Variants in CEBPG observed in about 807,000 individuals in gnomAD.
CEBPG encodes the protein CCAAT enhancer binding protein gamma, also known as CCAAT/enhancer-binding protein gamma.
In CEBPG, 6 loss-of-function variants were observed where a neutral mutation model predicts 11.1. The ratio of observed to expected loss-of-function variants is 0.54; its 90% CI spans 0.30 to 1.07. The LOEUF (loss-of-function observed/expected upper bound fraction) is 1.07, where lower values mean the gene tolerates loss of function less well. Among genes scored for constraint, CEBPG ranks in the 50% least tolerant of loss-of-function variants. CEBPG has a pLI of 0.07. For synonymous variants in CEBPG, 66 were observed against 71.0 expected (o/e 0.93, Z 0.36); for missense variants, 161 against 187.4 (o/e 0.86, Z 0.82).
chr19:33,378,492 T>C (rs1041557850), intron 1 of CEBPG, among the ~76,000 whole-genome samples: 4 of 152,154 alleles, frequency 2.6e-5, no homozygotes, highest in African/African-American at 7.2e-5. Flanking sequence ...GGGGAGCAAA[T>C]TGAGTGTCAG....
chr19:33,377,397 A>G (rs1253750441), intron 1 of CEBPG, among the ~76,000 whole-genome samples: 2 of 152,266 alleles, frequency 1.3e-5, no homozygotes, highest in Non-Finnish European at 2.9e-5. Flanking sequence ...AGCATGGACA[A>G]GTTGACTGTA....
rs1967963598 is a variant in CEBPG, at chr19:33,379,844, T to A, written c.*152T>A. 1.1e-5 allele frequency: 7 copies of A among 640,194 alleles called. No homozygotes were observed. Among genetic ancestry groups the A allele is most frequent in the South Asian group, 2.8e-5 (1 of 35,998 alleles). The allele number at this position is 640,194 out of a possible 1,614,324, so 39.7% of individuals were successfully genotyped here. ...CTGGGATCAGCACTGAAGAGTTGAT[T>A]AGCTAAAAATGTTAGCCTTGTAATT... is the stretch of plus-strand genomic sequence containing the variant. On this transcript the variant is annotated 3_prime_UTR_variant, in exon 2 of 2. Coordinates refer to ENST00000284000, the MANE Select transcript of CEBPG (RefSeq NM_001806.4).
At chr19:33,375,612 T>A (rs1255940900) in intron 1 of CEBPG, among the ~76,000 whole-genome samples, 1 of 152,176 alleles carries the variant, frequency 6.6e-6, no homozygotes, top group Non-Finnish European at 1.5e-5. Flanking sequence ...AAAGATGATG[T>A]TGATGTTCTT....
chr19:33,378,102 T>C (rs1041002900), intron 1 of CEBPG, among the ~76,000 whole-genome samples: 1 of 152,256 alleles, frequency 6.6e-6, no homozygotes. Flanking sequence ...ACTTAGTTTG[T>C]CTTGAAGTGG....
At chr19:33,374,219 C>T (rs970558953) in intron 1 of CEBPG, 2 of 151,438 alleles carry the variant, frequency 1.3e-5, no homozygotes, top group Admixed American at 6.6e-5. Context: ...GGAATGCCCC[C>T]TGCGGAGCCC....
chr19:33,379,203 T>G lies in CEBPG; in HGVS notation c.-37T>G, dbSNP rs773489568. The G allele has an allele frequency of 1.3e-6, 2 of 1,500,666 alleles. No homozygotes were observed. Among genetic ancestry groups the G allele is most frequent in the Non-Finnish European group, 1.8e-6 (2 of 1,123,746 alleles). 93.0% of individuals were successfully genotyped at this position (1,500,666 alleles called of 1,614,324 possible). On this transcript the variant is annotated 5_prime_UTR_variant, in exon 2 of 2. The change creates a new upstream start codon in the 5' untranslated region. Transcript: ENST00000284000. ...AAACCATTGATCACCCTGCTCTCATTTCTACCTGTTCTGTGTTGGCAAGGG... is the reference window on the plus strand; with the variant it reads ...AAACCATTGATCACCCTGCTCTCATGTCTACCTGTTCTGTGTTGGCAAGGG...
At position 33,380,887 on chromosome 19, in the gene CEBPG, T is replaced by C. The variant is rs917940900; in HGVS notation, c.*1195T>C. ...TTTCCAGACTTTGTACCACTGCTTC[T>C]GTTTATTCATTTATATGCTTTTGTG... On this transcript the variant is annotated 3_prime_UTR_variant, in exon 2 of 2. Transcript: ENST00000284000. 1 of 166,976 alleles carries C rather than the reference T, an allele frequency of 6.0e-6. No homozygotes were observed. The highest frequency in any genetic ancestry group is 2.4e-5 in the African/African-American group (1 of 41,480). The allele number at this position is 166,976 out of a possible 1,614,324, so 10.3% of individuals were successfully genotyped here.
intron 1 of CEBPG, 111 bp from the exon 2 acceptor site, chr19:33,379,033 A>G (rs1207227080): frequency 1.7e-5 from 8 of 474,050 alleles, no homozygotes; most frequent in Middle Eastern, 5.2e-4. Context: ...GTTGCTGTAG[A>G]CTTTTCTCAG....
chr19:33,377,443 T>TA (rs200821829), intron 1 of CEBPG, among the ~76,000 whole-genome samples: 23 of 151,172 alleles, frequency 1.5e-4, no homozygotes, highest in Admixed American at 4.0e-4. Context: ...ATTGGTATAT[T>TA]AAAAAAAAAG....
chr19:33,381,891 G>C lies in CEBPG; in HGVS notation c.*2199G>C, dbSNP rs904930920. 2.4e-5 allele frequency: 4 copies of C among 167,080 alleles called. No individual in the cohort carries two copies. Among genetic ancestry groups the C allele is most frequent in the Non-Finnish European group, 5.9e-5 (4 of 68,120 alleles). 10.3% of individuals were successfully genotyped at this position (167,080 alleles called of 1,614,324 possible). A position where few individuals can be genotyped will look rare whatever the true frequency, so the allele number is the denominator to read the frequency against. ...TAGCAGAAGCAAGCAATTAGGCAGAGAACAAAAATGTTAAGCATGGTGTTG... is the reference window on the plus strand; with the variant it reads ...TAGCAGAAGCAAGCAATTAGGCAGACAACAAAAATGTTAAGCATGGTGTTG... On this transcript the variant is annotated 3_prime_UTR_variant, in exon 2 of 2. Transcript: ENST00000284000.
intron 1 of CEBPG, among the ~76,000 whole-genome samples, chr19:33,376,163 T>C (rs561350674): frequency 6.6e-6 from 1 of 152,242 alleles, no homozygotes; most frequent in African/African-American, 2.4e-5. Flanking sequence ...TTGACCTTCA[T>C]TGAGGAAATC....
chr19:33,378,528 C>T (rs767493916), intron 1 of CEBPG, among the ~76,000 whole-genome samples: 1 of 152,078 alleles, frequency 6.6e-6, no homozygotes, highest in Non-Finnish European at 1.5e-5. Context: ...GAAACTGACT[C>T]AGTAAATTTG....
rs117236383 is a variant in CEBPG at position 33,381,244 on chromosome 19, G to C, written c.*1552G>C. ...TTGGCCACATTGCTGTTTCATACTA[G>C]GACTTGGGATGATGTAGCCAGAATA... is the stretch of plus-strand genomic sequence containing the variant. On this transcript the variant is annotated 3_prime_UTR_variant, in exon 2 of 2. Coordinates refer to ENST00000284000, the MANE Select transcript of CEBPG (RefSeq NM_001806.4). 4,132 of 167,156 alleles carry C rather than the reference G, an allele frequency of 0.025. 74 individuals carry two copies. The highest frequency in any genetic ancestry group is 0.074 in the Middle Eastern group (22 of 296). 10.4% of individuals were successfully genotyped at this position (167,156 alleles called of 1,614,324 possible).
In CEBPG at chr19:33,382,528, G is replaced by A. The variant is rs36101103; in HGVS notation, c.*2836G>A. 4,107 of 167,166 alleles carry A rather than the reference G, an allele frequency of 0.025. 70 individuals are homozygous for A. The highest frequency in any genetic ancestry group is 0.035 in the Non-Finnish European group (2,361 of 68,112). The allele number at this position is 167,166 out of a possible 1,614,324, so 10.4% of individuals were successfully genotyped here. ...TTTCACAAAAGCTGGGAAGGAAGAA[G>A]TCCATTCTGCAGCTGTTAGATCTGC... On this transcript the variant is annotated 3_prime_UTR_variant, in exon 2 of 2. Transcript: ENST00000284000.
intron 1 of CEBPG, 98 bp from the exon 2 acceptor site, chr19:33,379,046 G>A (rs2145311601): frequency 2.0e-6 from 1 of 496,840 alleles, no homozygotes; most frequent in Non-Finnish European, 3.5e-6. Context: ...TTTCTCAGCA[G>A]AATCAATTAA....
Position 33,381,673 on chromosome 19 carries a change from A to G in CEBPG, c.*1981A>G, listed in dbSNP as rs1967991147. ...AGCACCTATGGTAGGCGCTACAGAC[A>G]TTTAAATCTCTTGGGAATTCGATGC... On this transcript the variant is annotated 3_prime_UTR_variant, in exon 2 of 2. Transcript: ENST00000284000. 6.0e-6 allele frequency: 1 copy of G among 167,144 alleles called. No homozygotes were observed. Among genetic ancestry groups the G allele is most frequent in the Non-Finnish European group, 1.5e-5 (1 of 68,124 alleles). The allele number at this position is 167,144 out of a possible 1,614,324, so 10.4% of individuals were successfully genotyped here. A position where few individuals can be genotyped will look rare whatever the true frequency, so the allele number is the denominator to read the frequency against.
rs1264480985 is a variant in CEBPG, at chr19:33,379,127, A to G, written c.-96-17A>G. The G allele has an allele frequency of 1.0e-5, 9 of 890,080 alleles. No homozygotes were observed. In the African/African-American group the frequency reaches 1.0e-4, roughly 10 times the overall value. The allele number at this position is 890,080 out of a possible 1,614,324, so 55.1% of individuals were successfully genotyped here. A position where few individuals can be genotyped will look rare whatever the true frequency, so the allele number is the denominator to read the frequency against. On this transcript the variant is annotated splice_polypyrimidine_tract_variant and intron_variant, in intron 1 of 1. Coordinates refer to ENST00000284000, the MANE Select transcript of CEBPG (RefSeq NM_001806.4). Reference sequence around the variant, plus strand: ...CTGTCATTTCAAATATTTTAATGCAATTTATTTTTTAACTAGGTACATGTG... The same window carrying G: ...CTGTCATTTCAAATATTTTAATGCAGTTTATTTTTTAACTAGGTACATGTG...
rs1397345084 is a variant in CEBPG, at chr19:33,381,899, AT to A, written c.*2208del. The A allele has an allele frequency of 6.0e-6, 1 of 167,132 alleles. No individual in the cohort carries two copies. The highest frequency in any genetic ancestry group is 1.5e-5 in the Non-Finnish European group (1 of 68,134). 10.4% of individuals were successfully genotyped at this position (167,132 alleles called of 1,614,324 possible). On this transcript the variant is annotated 3_prime_UTR_variant, in exon 2 of 2. Transcript: ENST00000284000. ...GCAAGCAATTAGGCAGAGAACAAAA[AT>A]GTTAAGCATGGTGTTGTCTATCTTA...
chr19:33,375,217 G>C (rs912093026), intron 1 of CEBPG, among the ~76,000 whole-genome samples: 6 of 152,178 alleles, frequency 3.9e-5, no homozygotes, highest in Admixed American at 2.6e-4. Flanking sequence ...AAATTCTCAA[G>C]ATCACATCAT....
Sources: allele counts gnomAD v4.1 joint callset (sites outside exome capture counted in the v4.1 genomes callset), GRCh38; gene constraint gnomAD v4.1.1; transcripts MANE v1.5; gene names NCBI Gene and HGNC (gene_info 2026-07-23, HGNC 2026-07-21).